Variants in KHDC1 observed in about 807,000 individuals in gnomAD.
The protein encoded by KHDC1 is KH homology domain-containing protein 1.
Under a neutral mutation model 24.7 loss-of-function variants are expected in KHDC1, and 21 were observed. The ratio of observed to expected loss-of-function variants is 0.85; its 90% CI spans 0.60 to 1.23. The LOEUF is 1.23. Among genes scored for constraint, KHDC1 ranks in the 50% most tolerant of loss-of-function variants. KHDC1 has a pLI of 0.00. For missense variants in KHDC1, 274 were observed against 298.5 expected, an observed-to-expected ratio of 0.92 and a Z score of 0.61; for synonymous variants, 98 against 111.7, an observed-to-expected ratio of 0.88 and a Z score of 0.77.
intron 2 of KHDC1, among the ~76,000 whole-genome samples, chr6:73,285,733 A>G (rs1354149145): frequency 6.7e-6 from 1 of 150,172 alleles, no homozygotes; most frequent in African/African-American, 2.5e-5. Flanking sequence ...TACATGTGCC[A>G]TGCTGGTGCG....
chr6:73,263,300 G>T, intron 2 of KHDC1, 104 bp from the exon 1 acceptor site: 11 of 985,334 alleles, frequency 1.1e-5, no homozygotes, highest in Non-Finnish European at 1.3e-5. Context: ...CCCACTGCCG[G>T]CGCGCAGAGA....
chr6:73,251,440 T>G (rs1204603422), intron 2 of KHDC1, among the ~76,000 whole-genome samples: 1 of 152,190 alleles, frequency 6.6e-6, no homozygotes, highest in East Asian at 1.9e-4. Flanking sequence ...GACACTAGAC[T>G]TAATGTTGAA....
At chr6:73,270,793 T>C (rs61633633) in intron 2 of KHDC1, among the ~76,000 whole-genome samples, 7,625 of 151,286 alleles carry the variant, frequency 0.05, 479 homozygotes, top group African/African-American at 0.14. Context: ...CAGGTTCAAG[T>C]GATTCTCCTG....
At chr6:73,254,465 TAA>T (rs761433027) in intron 2 of KHDC1, among the ~76,000 whole-genome samples, 103 of 91,568 alleles carry the variant, frequency 1.1e-3, no homozygotes, top group African/African-American at 4.3e-3. Context: ...TGTCTTAAAA[TAA>T]AAATAAATAA....
chr6:73,287,994 C>T (rs188879909), intron 2 of KHDC1, among the ~76,000 whole-genome samples: 6 of 152,314 alleles, frequency 3.9e-5, no homozygotes, highest in Non-Finnish European at 8.8e-5. Context: ...CTGCCCCCAC[C>T]ATCTTCCTGA....
chr6:73,259,506 GTTC>G (rs935121742), intron 2 of KHDC1, among the ~76,000 whole-genome samples: 2 of 152,036 alleles, frequency 1.3e-5, no homozygotes, highest in Non-Finnish European at 2.9e-5. Context: ...AGACATTGGG[GTTC>G]TTCTTACTTC....
At chr6:73,265,741 G>A (rs1767070125) in intron 2 of KHDC1, among the ~76,000 whole-genome samples, 1 of 152,128 alleles carries the variant, frequency 6.6e-6, no homozygotes, top group Non-Finnish European at 1.5e-5. Context: ...CCCTCTTAGA[G>A]TACACTTGGA....
chr6:73,309,200 G>A (rs1161197126), intron 1 of KHDC1, among the ~76,000 whole-genome samples: 1 of 152,232 alleles, frequency 6.6e-6, no homozygotes, highest in Non-Finnish European at 1.5e-5. Context: ...CTCTCCTAGG[G>A]TATCTAAGTG....
exon 1 of KHDC1, chr6:73,309,794 G>T: frequency 1.3e-6 from 2 of 1,483,906 alleles, no homozygotes; most frequent in South Asian, 2.6e-5. Flanking sequence ...AGAGCCCGCC[G>T]GCGGGAAGAG....
exon 5 of KHDC1, chr6:73,241,457 T>C (rs1766563231): frequency 4.1e-6 from 6 of 1,449,344 alleles, no homozygotes; most frequent in Admixed American, 1.7e-5. Context: ...GTGTCTATCA[T>C]GTCTTTCTCA....
At chr6:73,268,789 T>A (rs548698822) in intron 2 of KHDC1, 1 of 152,666 alleles carries the variant, frequency 6.6e-6, no homozygotes, top group East Asian at 1.9e-4. Context: ...CCCACTAGAC[T>A]CAGGAGCCCA....
At chr6:73,302,673 A>C (rs992706279) in intron 1 of KHDC1, among the ~76,000 whole-genome samples, 2 of 152,094 alleles carry the variant, frequency 1.3e-5, no homozygotes, top group Admixed American at 1.3e-4. Context: ...TGTTATAGGA[A>C]TTTTTCAGTT....
Position 73,272,856 on chromosome 6 carries a change from C to CTTT in KHDC1, c.206+19139_206+19141dup, listed in dbSNP as rs1158620688. 1.8e-4 allele frequency among the ~76,000 whole-genome samples: 25 copies of CTTT among 135,314 alleles called. 1 individual carries two copies. Among genetic ancestry groups the CTTT allele is most frequent in the African/African-American group, 2.4e-4 (8 of 33,090 alleles). The allele number at this position is 135,314 out of a possible 152,430, so 88.8% of individuals were successfully genotyped here. ...ATAATTTTTTCTTTTCTTTTCTTTTCTTTTTCTTTTTTTTTTTTTGGAGAT... is the reference window on the plus strand; with the variant it reads ...ATAATTTTTTCTTTTCTTTTCTTTTCTTTTTTTTCTTTTTTTTTTTTTGGAGAT... On this transcript the variant is annotated intron_variant, in intron 2 of 4. Transcript: ENST00000370384.
rs186117762 is a variant in KHDC1, at chr6:73,246,838, T to A, written c.207-4308A>T. ...AACATCAAGCAAACCTGAATATTCC[T>A]TTTTATATATAAATTAGAAGAGCAA... On this transcript the variant is annotated intron_variant, in intron 2 of 4. Transcript: ENST00000370384. Among the ~76,000 whole-genome samples, 3 of 152,290 alleles carry A rather than the reference T, an allele frequency of 2.0e-5. No individual in the cohort carries two copies. In the East Asian group the frequency reaches 5.8e-4, roughly 29 times the overall value.
At chr6:73,302,211 G>C (rs1280698097) in intron 1 of KHDC1, among the ~76,000 whole-genome samples, 1 of 152,106 alleles carries the variant, frequency 6.6e-6, no homozygotes, top group Non-Finnish European at 1.5e-5. Flanking sequence ...ATCACTTGAA[G>C]CCAGGAGGTG....
At chr6:73,252,465 G>A (rs1377872391) in intron 2 of KHDC1, among the ~76,000 whole-genome samples, 1 of 151,848 alleles carries the variant, frequency 6.6e-6, no homozygotes, top group Non-Finnish European at 1.5e-5. Context: ...TTCTATAAAG[G>A]GCCGGACAGT....
intron 2 of KHDC1, chr6:73,263,150 G>A: frequency 2.0e-6 from 2 of 988,166 alleles, no homozygotes; most frequent in South Asian, 4.5e-5. Flanking sequence ...CCCTTCCAGG[G>A]GTCCCGGCTC....
At chr6:73,253,467 G>A (rs1288227945) in intron 2 of KHDC1, among the ~76,000 whole-genome samples, 1 of 151,872 alleles carries the variant, frequency 6.6e-6, no homozygotes, top group Non-Finnish European at 1.5e-5. Flanking sequence ...GCAGGAGAAT[G>A]GTGTGAACCC....
At chr6:73,256,932 A>G (rs1396075694) in intron 2 of KHDC1, among the ~76,000 whole-genome samples, 1 of 152,358 alleles carries the variant, frequency 6.6e-6, no homozygotes, top group East Asian at 1.9e-4. Flanking sequence ...CTGAGTTAAC[A>G]TAATTAAAAT....
Sources: allele counts gnomAD v4.1 joint callset (sites outside exome capture counted in the v4.1 genomes callset), GRCh38; gene constraint gnomAD v4.1.1; transcripts MANE v1.5; gene names NCBI Gene and HGNC (gene_info 2026-07-23, HGNC 2026-07-21).